Variants in BFSP2 observed in about 807,000 individuals in gnomAD.
BFSP2 encodes the protein beaded filament structural protein 2, also known as phakinin.
A neutral mutation model predicts 44.9 loss-of-function variants in BFSP2; 38 were observed. That is an observed-to-expected ratio of 0.85 (90% confidence interval 0.65 to 1.11). BFSP2 has a LOEUF of 1.11. BFSP2 is among the 50% of genes least tolerant of loss of function. The probability of loss-of-function intolerance (pLI) is 0.00; values close to 1 mark genes in which losing one functional copy is unlikely to be tolerated. For missense variants in BFSP2, 525 were observed against 533.0 expected, an observed-to-expected ratio of 0.99 and a Z score of 0.15; for synonymous variants, 197 against 209.9, an observed-to-expected ratio of 0.94 and a Z score of 0.53.
intron 5 of BFSP2, 65 bp from the exon 6 acceptor site, chr3:133,472,280 A>C: frequency 6.5e-7 from 1 of 1,527,556 alleles, no homozygotes; most frequent in Non-Finnish European, 8.8e-7. Flanking sequence ...ACTGCTCTGC[A>C]CACCTCCCTC....
intron 1 of BFSP2, among the ~76,000 whole-genome samples, chr3:133,423,686 C>A (rs992908095): frequency 6.6e-6 from 1 of 152,102 alleles, no homozygotes; most frequent in Non-Finnish European, 1.5e-5. Context: ...TCAGATTTGC[C>A]AGAGCCCCTT....
intron 2 of BFSP2, 141 bp downstream of exon 2, chr3:133,447,540 G>A: frequency 1.1e-6 from 1 of 877,120 alleles, no homozygotes. Context: ...TGATTATCCA[G>A]CTCACACCCC....
rs571748017 is a variant in BFSP2, at chr3:133,435,691, G to A, written c.490-11626G>A. Among the ~76,000 whole-genome samples, 11 of 152,244 alleles carry A rather than the reference G, an allele frequency of 7.2e-5. No homozygotes were observed. The South Asian group carries it at 1.7e-3, about 23-fold the overall frequency. On this transcript the variant is annotated intron_variant, in intron 1 of 6. Coordinates refer to ENST00000302334, the MANE Select transcript of BFSP2 (RefSeq NM_003571.4). Reference sequence around the variant, plus strand: ...TTATGGTGTCAGCTATTCTTTCTGCGATCAATAATTGGTCCTCTTCAATTA... The same window carrying A: ...TTATGGTGTCAGCTATTCTTTCTGCAATCAATAATTGGTCCTCTTCAATTA...
rs145301682 is a variant in BFSP2 at position 133,400,238 on chromosome 3, G to A, written c.155G>A (p.Arg52Gln). The A allele has an allele frequency of 2.0e-5, 33 of 1,613,834 alleles. No homozygotes were observed. The highest frequency in any genetic ancestry group is 2.0e-4 in the African/African-American group (15 of 74,940). Residue 52 changes from arginine (R) to glutamine (Q), a missense_variant, in exon 1 of 7, where the codon CGA becomes CAA. Coordinates refer to ENST00000302334, the MANE Select transcript of BFSP2 (RefSeq NM_003571.4). This position sits in a 1 kb window ranked among gnomAD's most constrained non-coding sequence, Gnocchi z 4.0. ...SRTNAMSGLV[R>Q]APGVYVGTAP... Reference sequence around the variant, plus strand: ...ACCAATGCCATGAGTGGCCTTGTCCGAGCACCCGGGGTCTATGTAGGAACA... The same window carrying A: ...ACCAATGCCATGAGTGGCCTTGTCCAAGCACCCGGGGTCTATGTAGGAACA...
At chr3:133,410,468 G>A (rs570116769) in intron 1 of BFSP2, 112 of 277,932 alleles carry the variant, frequency 4.0e-4, no homozygotes, top group Non-Finnish European at 6.8e-4. Context: ...CTGTCTCTTC[G>A]TTAAGCTCCA....
At position 133,429,022 on chromosome 3, in the gene BFSP2, T is replaced by TAA. The variant is rs11438374; in HGVS notation, c.490-18290_490-18289dup. On this transcript the variant is annotated intron_variant, in intron 1 of 6. Transcript: ENST00000302334. Reference sequence around the variant, plus strand: ...GCATTGTCAACTCAGTGTTATTTGTTAAAAAACCTTTTTTTAAAACCTGAA... The same window carrying TAA: ...GCATTGTCAACTCAGTGTTATTTGTTAAAAAAAACCTTTTTTTAAAACCTGAA... Among the ~76,000 whole-genome samples the TAA allele has an allele frequency of 2.5e-3, 379 of 151,934 alleles. 2 individuals are homozygous for TAA. Among genetic ancestry groups the TAA allele is most frequent in the South Asian group, 8.5e-3 (41 of 4,816 alleles).
At chr3:133,429,118 C>A (rs551210802) in intron 1 of BFSP2, among the ~76,000 whole-genome samples, 2 of 152,074 alleles carry the variant, frequency 1.3e-5, no homozygotes, top group Non-Finnish European at 2.9e-5. Flanking sequence ...CCCACCCCCC[C>A]AGAGGTCACT....
chr3:133,453,016 G>C (rs2107928848), intron 4 of BFSP2, among the ~76,000 whole-genome samples: 1 of 152,158 alleles, frequency 6.6e-6, no homozygotes, highest in Admixed American at 6.5e-5. Context: ...TTTTTTAATA[G>C]AGTAATCTGA....
intron 1 of BFSP2, among the ~76,000 whole-genome samples, chr3:133,425,774 AAAGGGAAAGGG>A (rs111373684): frequency 0.21 from 12,933 of 62,586 alleles, 1,287 homozygotes; most frequent in African/African-American, 0.38. Context: ...TGGGAAAGGG[AAAGGGAAAGGG>A]AAGGGAAGGG....
chr3:133,464,661 T>C (rs75393690), intron 4 of BFSP2, among the ~76,000 whole-genome samples: 4 of 152,052 alleles, frequency 2.6e-5, no homozygotes, highest in East Asian at 1.9e-4. Flanking sequence ...GGAAAATATA[T>C]AGTCAGTGTT....
At chr3:133,425,792 A>C (rs1206380289) in intron 1 of BFSP2, among the ~76,000 whole-genome samples, 1 of 139,696 alleles carries the variant, frequency 7.2e-6, no homozygotes, top group Non-Finnish European at 1.5e-5. Flanking sequence ...AGGGAAGGGA[A>C]GGGAAGGGAA....
intron 1 of BFSP2, among the ~76,000 whole-genome samples, chr3:133,415,687 CA>C (rs1320780470): frequency 9.8e-6 from 1 of 101,916 alleles, no homozygotes. Context: ...CCCCTCTACT[CA>C]CCCCTCTACT....
intron 6 of BFSP2, 83 bp downstream of exon 6, chr3:133,472,648 T>C: frequency 6.6e-7 from 1 of 1,511,376 alleles, no homozygotes; most frequent in Non-Finnish European, 9.0e-7. Context: ...ACTGTAGAAG[T>C]ATTTAAGAAG....
chr3:133,467,470 T>TC (rs1464880342), intron 5 of BFSP2, among the ~76,000 whole-genome samples: 1 of 152,100 alleles, frequency 6.6e-6, no homozygotes, highest in Non-Finnish European at 1.5e-5. Flanking sequence ...CCTGCTTTCC[T>TC]CACTCCCCCT....
chr3:133,455,011 AAGGTCTTCAGGGGC>A (rs1408318769), intron 4 of BFSP2, among the ~76,000 whole-genome samples: 2 of 152,188 alleles, frequency 1.3e-5, no homozygotes, highest in East Asian at 3.8e-4. Context: ...GTCCCACTGA[AAGGTCTTCAGGGGC>A]AGTGACATGT....
chr3:133,434,886 CTT>C, intron 1 of BFSP2, among the ~76,000 whole-genome samples: 1 of 152,092 alleles, frequency 6.6e-6, no homozygotes, highest in East Asian at 1.9e-4. Flanking sequence ...TTCGCTGACT[CTT>C]TTCGGACTCA....
At chr3:133,440,671 G>A (rs538467891) in intron 1 of BFSP2, among the ~76,000 whole-genome samples, 5 of 152,118 alleles carry the variant, frequency 3.3e-5, no homozygotes, top group Non-Finnish European at 5.9e-5. Flanking sequence ...AGGGAAAGAG[G>A]AGCCTAAAAC....
intron 2 of BFSP2, among the ~76,000 whole-genome samples, chr3:133,447,678 C>T (rs1314645452): frequency 2.6e-5 from 4 of 152,092 alleles, no homozygotes; most frequent in Non-Finnish European, 5.9e-5. Flanking sequence ...ACAGAGATTG[C>T]TGCGCCCCAC....
chr3:133,425,433 G>T lies in BFSP2; in HGVS notation c.490-21884G>T, dbSNP rs57912994. 7.1e-3 allele frequency among the ~76,000 whole-genome samples: 1,081 copies of T among 152,274 alleles called. 8 individuals carry two copies. Among genetic ancestry groups the T allele is most frequent in the African/African-American group, 0.025 (1,028 of 41,542 alleles). ...TTGGTTTGATAGGGCCCTCTCCCAA[G>T]ATCCCTTTCAACTTGCTCAGTGGGT... On this transcript the variant is annotated intron_variant, in intron 1 of 6. Coordinates refer to ENST00000302334, the MANE Select transcript of BFSP2 (RefSeq NM_003571.4).
Sources: allele counts gnomAD v4.1 joint callset (sites outside exome capture counted in the v4.1 genomes callset), GRCh38; gene constraint gnomAD v4.1.1; non-coding constraint Gnocchi (gnomAD v3.1); transcripts MANE v1.5; gene names NCBI Gene and HGNC (gene_info 2026-07-23, HGNC 2026-07-21).